The following MEF2A variants were observed in gnomAD, a reference collection of about 807,000 sequenced individuals.
MEF2A encodes the protein myocyte enhancer factor 2A.
Under a neutral mutation model 55.8 loss-of-function variants are expected in MEF2A, and 28 were observed. The observed-to-expected ratio is 0.50, with a 90% CI of 0.37 to 0.69. The LOEUF is 0.69. Among genes scored for constraint, MEF2A ranks in the 30% least tolerant of loss-of-function variants. The pLI, the probability that MEF2A is intolerant of heterozygous loss-of-function variation, is 0.00. For synonymous variants in MEF2A, 239 were observed against 227.1 expected (o/e 1.05, Z -0.47); for missense variants, 528 against 626.2 (o/e 0.84, Z 1.67).
chr15:99,698,512 G>T (rs530708976), intron 8 of MEF2A, among the ~76,000 whole-genome samples: 17 of 152,144 alleles, frequency 1.1e-4, no homozygotes, highest in Non-Finnish European at 2.1e-4. Flanking sequence ...AAACGCAACG[G>T]CTGGGCGCGG....
At position 99,710,507 on chromosome 15, in the gene MEF2A, T is replaced by A. The variant is rs1205804967; in HGVS notation, c.1010-127T>A. ...ATCCGCCCATCTTGGCCTCCCAAAG[T>A]GCTGGGATTACTGGCATGAGCCAGC... On this transcript the variant is annotated intron_variant, in intron 10 of 11. Coordinates refer to ENST00000557942, the MANE Select transcript of MEF2A (RefSeq NM_001319206.4). The A allele has an allele frequency of 9.9e-6, 12 of 1,214,688 alleles. No homozygotes were observed. The Admixed American group carries it at 2.3e-4, about 24-fold the overall frequency. 75.2% of individuals were successfully genotyped at this position (1,214,688 alleles called of 1,614,324 possible). A position where few individuals can be genotyped will look rare whatever the true frequency, so the allele number is the denominator to read the frequency against.
At chr15:99,566,561 C>T (rs1306158731) in intron 1 of MEF2A, 1 of 152,164 alleles carries the variant, frequency 6.6e-6, no homozygotes, top group African/African-American at 2.4e-5. Context: ...ACGTCGCCTC[C>T]TTGAAAGTTG....
intron 4 of MEF2A, among the ~76,000 whole-genome samples, chr15:99,661,006 A>G (rs897478656): frequency 6.6e-6 from 1 of 152,220 alleles, no homozygotes; most frequent in Non-Finnish European, 1.5e-5. Flanking sequence ...TTTTAAAGCT[A>G]TAATAATGAA....
chr15:99,575,732 A>G (rs1046375509), intron 1 of MEF2A, among the ~76,000 whole-genome samples: 3 of 152,176 alleles, frequency 2.0e-5, no homozygotes, highest in African/African-American at 7.2e-5. Flanking sequence ...TACTACACAG[A>G]ATTGCAAAAT....
At chr15:99,694,675 T>C (rs2056139146) in intron 8 of MEF2A, among the ~76,000 whole-genome samples, 1 of 152,250 alleles carries the variant, frequency 6.6e-6, no homozygotes, top group Admixed American at 6.5e-5. Flanking sequence ...CTTTTCATAC[T>C]GTAGCCTTTG....
chr15:99,699,156 G>A (rs1035503551), intron 8 of MEF2A, among the ~76,000 whole-genome samples: 3 of 151,926 alleles, frequency 2.0e-5, no homozygotes, highest in Non-Finnish European at 4.4e-5. Context: ...TAAGAAACCC[G>A]TATCTTTCAT....
intron 3 of MEF2A, among the ~76,000 whole-genome samples, chr15:99,642,398 T>G (rs1167623915): frequency 6.6e-6 from 1 of 152,162 alleles, no homozygotes; most frequent in Non-Finnish European, 1.5e-5. Context: ...ATTTTTCCTT[T>G]GCTAAATGCT....
intron 4 of MEF2A, among the ~76,000 whole-genome samples, chr15:99,664,585 GAC>G (rs939925463): frequency 2.4e-4 from 37 of 152,166 alleles, no homozygotes; most frequent in African/African-American, 8.7e-4. Flanking sequence ...TAAGAGTCTA[GAC>G]ATAAGATAGT....
chr15:99,667,922 T>G (rs1378785984), intron 4 of MEF2A, among the ~76,000 whole-genome samples: 1 of 152,248 alleles, frequency 6.6e-6, no homozygotes, highest in Non-Finnish European at 1.5e-5. Context: ...TTTAGTTTTT[T>G]GGGTTTCATT....
At chr15:99,598,097 G>A (rs1335762305) in intron 1 of MEF2A, among the ~76,000 whole-genome samples, 1 of 152,112 alleles carries the variant, frequency 6.6e-6, no homozygotes, top group African/African-American at 2.4e-5. Flanking sequence ...TATACGCACA[G>A]TACAGATAAA....
chr15:99,669,981 AT>A (rs1254160572), intron 4 of MEF2A, among the ~76,000 whole-genome samples: 3 of 152,292 alleles, frequency 2.0e-5, no homozygotes, highest in South Asian at 4.1e-4. Flanking sequence ...TTACTTAGAA[AT>A]TTTAACTTCC....
At chr15:99,605,677 A>G (rs1323411605) in intron 2 of MEF2A, among the ~76,000 whole-genome samples, 1 of 151,950 alleles carries the variant, frequency 6.6e-6, no homozygotes, top group African/African-American at 2.4e-5. Context: ...ATTTAAAAAA[A>G]AAAAAAAAGG....
rs1488703571 is a variant in MEF2A, at chr15:99,606,147, T to C, written c.-143+7636T>C. Among the ~76,000 whole-genome samples the C allele has an allele frequency of 3.9e-5, 6 of 152,278 alleles. No individual in the cohort carries two copies. The East Asian group carries it at 9.6e-4, about 24-fold the overall frequency. On this transcript the variant is annotated intron_variant, in intron 2 of 11. Coordinates refer to ENST00000557942, the MANE Select transcript of MEF2A (RefSeq NM_001319206.4). ...TTGCTTTATGACAAAACGCACACTT[T>C]AGTAGGGAAAGAATTAGTCAATAAA...
At chr15:99,671,039 T>C (rs1172140858) in intron 4 of MEF2A, among the ~76,000 whole-genome samples, 2 of 152,234 alleles carry the variant, frequency 1.3e-5, no homozygotes, top group East Asian at 3.8e-4. Flanking sequence ...GATTTGAGTT[T>C]TAACTGTGAG....
chr15:99,674,736 A>T (rs990156637), intron 6 of MEF2A, 124 bp downstream of exon 6: 2 of 790,824 alleles, frequency 2.5e-6, no homozygotes, highest in Middle Eastern at 3.1e-4. Flanking sequence ...TCACTGATAC[A>T]TAATTGGCCT....
Position 99,710,618 on chromosome 15 carries a change from T to C in MEF2A, c.1010-16T>C, listed in dbSNP as rs557502882. On this transcript the variant is annotated splice_polypyrimidine_tract_variant and intron_variant, in intron 10 of 11. Coordinates refer to ENST00000557942, the MANE Select transcript of MEF2A (RefSeq NM_001319206.4). ...ACCTTCCATCATATGCAGAGCCCTC[T>C]TGTCTTCCTTTGTAGATTATTCACT... 5.0e-6 allele frequency: 8 copies of C among 1,604,166 alleles called. No homozygotes were observed. The East Asian group carries it at 1.3e-4, about 27-fold the overall frequency.
intron 1 of MEF2A, among the ~76,000 whole-genome samples, chr15:99,582,170 C>T (rs1280867441): frequency 3.3e-5 from 5 of 151,116 alleles, no homozygotes; most frequent in African/African-American, 9.9e-5. Context: ...ATGTATATGT[C>T]CTTTCTTATT....
intron 6 of MEF2A, among the ~76,000 whole-genome samples, 170 bp from the exon 7 acceptor site, chr15:99,675,222 ATAATAAC>A (rs1246807893): frequency 3.3e-5 from 5 of 152,206 alleles, no homozygotes; most frequent in Non-Finnish European, 7.3e-5. Flanking sequence ...TATATGAGAT[ATAATAAC>A]TACATCAGAT....
At chr15:99,569,259 G>C (rs549427233) in intron 1 of MEF2A, among the ~76,000 whole-genome samples, 1 of 152,330 alleles carries the variant, frequency 6.6e-6, no homozygotes, top group Non-Finnish European at 1.5e-5. Context: ...CTAACACACT[G>C]CGTGAAGCTT....
Sources: gnomAD v4.1 joint callset for allele counts (sites outside exome capture counted in the v4.1 genomes callset) on GRCh38, gnomAD v4.1.1 for gene constraint, MANE v1.5 for transcripts, NCBI Gene and HGNC (gene_info 2026-07-23, HGNC 2026-07-21) for gene names.